Variants in MPC1 observed in about 807,000 individuals in gnomAD.
The protein encoded by MPC1 is mitochondrial pyruvate carrier 1.
Under a neutral mutation model 13.9 loss-of-function variants are expected in MPC1, and 6 were observed. The ratio of observed to expected loss-of-function variants is 0.43; its 90% confidence interval spans 0.24 to 0.85. The LOEUF (loss-of-function observed/expected upper bound fraction) is 0.85. Ranked by LOEUF, MPC1 falls within the 40% of genes least tolerant of loss-of-function variation. The pLI, the probability that MPC1 is intolerant of heterozygous loss-of-function variation, is 0.24. For synonymous variants in MPC1, 47 were observed against 50.5 expected (o/e 0.93, Z 0.29); for missense variants, 115 against 143.3 (o/e 0.80, Z 1.01).
intron 1 of MPC1, 143 bp from the exon 2 acceptor site, chr6:166,370,364 G>T (rs1240767611): frequency 1.7e-5 from 10 of 582,608 alleles, no homozygotes; most frequent in Non-Finnish European, 2.7e-5. Flanking sequence ...AACGTTAACA[G>T]TGTACATTCT....
In MPC1 at chr6:166,366,788, T is replaced by C; in HGVS notation, c.172+7A>G. The C allele has an allele frequency of 1.2e-5, 19 of 1,613,432 alleles. No homozygotes were observed. Among genetic ancestry groups the C allele is most frequent in the Non-Finnish European group, 1.6e-5 (19 of 1,179,396 alleles). On this transcript the variant is annotated splice_region_variant and intron_variant, in intron 3 of 4. Transcript: ENST00000360961. ...GTCCTCCCAATTATCCAAATCTGCA[T>C]TCTTACCAAATGTCATCCGCCCACT... is the stretch of plus-strand genomic sequence containing the variant.
intron 1 of MPC1, among the ~76,000 whole-genome samples, chr6:166,378,558 T>C (rs1046452987): frequency 2.6e-5 from 4 of 152,158 alleles, no homozygotes; most frequent in Admixed American, 1.3e-4. Flanking sequence ...ACCTCAAAAC[T>C]GTTTTGCTTA....
intron 2 of MPC1, chr6:166,367,258 G>A: frequency 2.3e-6 from 2 of 869,464 alleles, no homozygotes; most frequent in Non-Finnish European, 2.9e-6. Flanking sequence ...TTCAAACCCT[G>A]TTAGAACTAT....
intron 2 of MPC1, chr6:166,367,199 T>A: frequency 8.6e-7 from 1 of 1,158,584 alleles, no homozygotes; most frequent in Non-Finnish European, 1.1e-6. Context: ...TTAGAACATT[T>A]AAAAATAAAA....
At chr6:166,377,410 C>T (rs1040877181) in intron 1 of MPC1, among the ~76,000 whole-genome samples, 1 of 152,044 alleles carries the variant, frequency 6.6e-6, no homozygotes, top group Non-Finnish European at 1.5e-5. Flanking sequence ...GCAGGCTGAA[C>T]CAGGAGGAGA....
intron 1 of MPC1, among the ~76,000 whole-genome samples, chr6:166,371,734 A>G (rs764475822): frequency 2.6e-4 from 40 of 152,156 alleles, no homozygotes; most frequent in Non-Finnish European, 4.6e-4. Context: ...AACCCTATAT[A>G]TACTATGTTT....
At chr6:166,368,179 T>C in intron 2 of MPC1, among the ~76,000 whole-genome samples, 1 of 152,238 alleles carries the variant, frequency 6.6e-6, no homozygotes, top group Admixed American at 6.5e-5. Flanking sequence ...CTACTGCAAC[T>C]TTCACTTAAT....
At position 166,373,821 on chromosome 6, in the gene MPC1, T is replaced by C. The variant is rs552739440; in HGVS notation, c.72-3600A>G. Among the ~76,000 whole-genome samples the C allele has an allele frequency of 3.3e-5, 5 of 152,342 alleles. No homozygotes were observed. The South Asian group carries it at 1.0e-3, about 32-fold the overall frequency. On this transcript the variant is annotated intron_variant, in intron 1 of 4. Transcript: ENST00000360961. ...TAGTGGTATCTTGTTTTAATTTGCA[T>C]TTCCCTGATGACATACGATGTAGAA... is the stretch of plus-strand genomic sequence containing the variant.
At chr6:166,368,380 AC>A (rs1246931927) in intron 2 of MPC1, among the ~76,000 whole-genome samples, 2 of 151,984 alleles carry the variant, frequency 1.3e-5, no homozygotes, top group African/African-American at 4.8e-5. Context: ...ACATGGTAAA[AC>A]CCTGTCTCTA....
intron 1 of MPC1, among the ~76,000 whole-genome samples, chr6:166,381,993 C>T (rs1779802391): frequency 6.6e-6 from 1 of 152,262 alleles, no homozygotes; most frequent in Non-Finnish European, 1.5e-5. Context: ...CAGCGCCTCC[C>T]GCTGGCGTCT....
At chr6:166,372,738 C>G (rs1220263364) in intron 1 of MPC1, among the ~76,000 whole-genome samples, 5 of 74,566 alleles carry the variant, frequency 6.7e-5, no homozygotes, top group Non-Finnish European at 1.3e-4. Flanking sequence ...GTATTATTAC[C>G]TGTTTCAAAA....
Position 166,382,918 on chromosome 6 carries a change from T to C in MPC1, c.-42A>G. The C allele has an allele frequency of 1.3e-6, 2 of 1,568,096 alleles. No homozygotes were observed. Among genetic ancestry groups the C allele is most frequent in the Middle Eastern group, 1.7e-4 (1 of 5,962 alleles). ...GACCCCGAGTGGTCCCTGCCTCTGC[T>C]GCCGCTTCCCAGAGCCAATGACACC... On this transcript the variant is annotated 5_prime_UTR_variant, in exon 1 of 5. Transcript: ENST00000360961.
chr6:166,366,955 GA>G (rs755347066), intron 2 of MPC1, 64 bp from the exon 3 acceptor site: 1 of 1,610,560 alleles, frequency 6.2e-7, no homozygotes, highest in East Asian at 2.2e-5. Context: ...ATAAACAGCT[GA>G]AATTTCCCTT....
chr6:166,365,743 C>G lies in MPC1; in HGVS notation c.305+231G>C, dbSNP rs192690204. 6.6e-6 allele frequency among the ~76,000 whole-genome samples: 1 copy of G among 152,270 alleles called. No individual in the cohort carries two copies. The highest frequency in any genetic ancestry group is 2.4e-5 in the African/African-American group (1 of 41,552). On this transcript the variant is annotated intron_variant, in intron 4 of 4. Coordinates refer to ENST00000360961, the MANE Select transcript of MPC1 (RefSeq NM_016098.4). This position sits in a 1 kb window ranked among gnomAD's most constrained non-coding sequence, Gnocchi z 4.2. ...GCACTTCCTTTGAGTGTCATGTTGGCACTCTAAAGGTTTCATATTTTGGAG... is the reference window on the plus strand; with the variant it reads ...GCACTTCCTTTGAGTGTCATGTTGGGACTCTAAAGGTTTCATATTTTGGAG...
chr6:166,376,657 C>A (rs944604178), intron 1 of MPC1, among the ~76,000 whole-genome samples: 2 of 152,202 alleles, frequency 1.3e-5, no homozygotes, highest in African/African-American at 4.8e-5. Flanking sequence ...AAGTTGACAC[C>A]TAAAATTAAC....
At chr6:166,382,510 C>A (rs1002321177) in intron 1 of MPC1, among the ~76,000 whole-genome samples, 4 of 149,662 alleles carry the variant, frequency 2.7e-5, no homozygotes, top group African/African-American at 4.9e-5. Context: ...CCCACTGTCA[C>A]CCTGCCGGGA....
chr6:166,375,000 T>C (rs142300014), intron 1 of MPC1, among the ~76,000 whole-genome samples: 3 of 152,322 alleles, frequency 2.0e-5, no homozygotes, highest in East Asian at 3.9e-4. Flanking sequence ...GGATTTTAAC[T>C]TTCACCTATT....
At chr6:166,377,229 C>A (rs1779602824) in intron 1 of MPC1, among the ~76,000 whole-genome samples, 1 of 151,770 alleles carries the variant, frequency 6.6e-6, no homozygotes, top group Non-Finnish European at 1.5e-5. Flanking sequence ...CCCAGGCCAC[C>A]CTGGAAGCTG....
rs1189941511 is a variant in MPC1, at chr6:166,365,555, T to A, written c.306-102A>T. 1.1e-6 allele frequency: 1 copy of A among 924,996 alleles called. No individual in the cohort carries two copies. The highest frequency in any genetic ancestry group is 1.6e-6 in the Non-Finnish European group (1 of 639,916). The allele number at this position is 924,996 out of a possible 1,614,324, so 57.3% of individuals were successfully genotyped here. On this transcript the variant is annotated intron_variant, in intron 4 of 4. Transcript: ENST00000360961. This position sits in a 1 kb window ranked among gnomAD's most constrained non-coding sequence, Gnocchi z 4.2. ...AAAAGACACCTTTACATAACATTTATTTCAACTTACAACTTATAAAAACAA... is the reference window on the plus strand; with the variant it reads ...AAAAGACACCTTTACATAACATTTAATTCAACTTACAACTTATAAAAACAA...
Sources: allele counts gnomAD v4.1 joint callset (sites outside exome capture counted in the v4.1 genomes callset), GRCh38; gene constraint gnomAD v4.1.1; non-coding constraint Gnocchi (gnomAD v3.1); transcripts MANE v1.5; gene names NCBI Gene and HGNC (gene_info 2026-07-23, HGNC 2026-07-21).